Variants in SPECC1 observed in about 807,000 individuals in gnomAD.
SPECC1 encodes sperm antigen with calponin homology and coiled-coil domains 1, also known as cytospin-B.
A neutral mutation model predicts 104.1 loss-of-function variants in SPECC1; 62 were observed. That is an observed-to-expected ratio of 0.60 (90% CI 0.49 to 0.74). SPECC1 has a LOEUF of 0.74. Among genes scored for constraint, SPECC1 ranks in the 30% least tolerant of loss-of-function variants. The pLI is 0.00. For synonymous variants in SPECC1, 513 were observed against 501.6 expected (o/e 1.02, Z -0.30); for missense variants, 1,306 against 1,310.5 (o/e 1.00, Z 0.05).
In SPECC1 at chr17:20,019,562, A is replaced by G. The variant is rs969799192; in HGVS notation, c.-22+10138A>G. ...CCATTCAAAATTATTTTGAAAAGGC[A>G]AGGATCCTTTTGAACTTTATCTGCA... On this transcript the variant is annotated intron_variant, in intron 1 of 14. Transcript: ENST00000395527. Among the ~76,000 whole-genome samples, 5 of 152,254 alleles carry G rather than the reference A, an allele frequency of 3.3e-5. No individual in the cohort carries two copies. The South Asian group carries it at 8.3e-4, about 25-fold the overall frequency.
chr17:20,048,186 T>C (rs1411344357), intron 1 of SPECC1, among the ~76,000 whole-genome samples: 1 of 149,734 alleles, frequency 6.7e-6, no homozygotes, highest in African/African-American at 2.5e-5. Flanking sequence ...CAGGCTGGAG[T>C]GCAGTGGCGT....
chr17:20,023,305 C>T (rs1311476464), intron 1 of SPECC1, among the ~76,000 whole-genome samples: 1 of 152,182 alleles, frequency 6.6e-6, no homozygotes, highest in African/African-American at 2.4e-5. Context: ...TTAATTTTGT[C>T]TTCCTTCTCT....
At chr17:20,269,269 T>C (rs1306373974) in intron 12 of SPECC1, among the ~76,000 whole-genome samples, 1 of 152,184 alleles carries the variant, frequency 6.6e-6, no homozygotes, top group Non-Finnish European at 1.5e-5. Flanking sequence ...AGGGTTCCCA[T>C]TGTTTCCAGA....
intron 3 of SPECC1, among the ~76,000 whole-genome samples, chr17:20,202,857 C>A (rs2036523791): frequency 1.3e-5 from 2 of 152,074 alleles, no homozygotes; most frequent in Non-Finnish European, 2.9e-5. Flanking sequence ...TCTTGGCTTT[C>A]CAGAAACTTA....
intron 3 of SPECC1, among the ~76,000 whole-genome samples, chr17:20,157,530 G>A (rs1043217243): frequency 2.0e-5 from 3 of 152,140 alleles, no homozygotes; most frequent in Non-Finnish European, 4.4e-5. Flanking sequence ...GTTCGGTAAA[G>A]GATTGGTAAC....
In SPECC1 at chr17:20,204,871, C is replaced by G. The variant is rs9908032; in HGVS notation, c.822C>G (p.Ser274Arg). 0.13 allele frequency: 210,378 copies of G among 1,613,838 alleles called. 14,148 individuals carry two copies. Among genetic ancestry groups the G allele is most frequent in the Non-Finnish European group, 0.14 (163,883 of 1,179,944 alleles). Residue 274 changes from serine (S) to arginine (R), a missense_variant, in exon 4 of 15, where the codon AGC becomes AGG. By Grantham distance (110) the Ser-to-Arg change is moderately radical. Transcript: ENST00000395527. ...CAGCAAGTCACACTGGCGACAGCAG[C>G]TGCCCAACATCCATAACTCAAGAGT... ...EGAASHTGDS[S>R]CPTSITQESS...
intron 4 of SPECC1, among the ~76,000 whole-genome samples, chr17:20,208,373 A>T (rs528733479): frequency 6.6e-6 from 1 of 152,268 alleles, no homozygotes; most frequent in African/African-American, 2.4e-5. Context: ...GACTTGTAAC[A>T]TACTAATCTT....
intron 1 of SPECC1, among the ~76,000 whole-genome samples, chr17:20,043,916 T>A (rs1051775407): frequency 6.6e-6 from 1 of 152,176 alleles, no homozygotes. Flanking sequence ...GACAGTGATT[T>A]GTGTGCCTGT....
intron 1 of SPECC1, among the ~76,000 whole-genome samples, chr17:20,062,691 CA>C (rs1451496979): frequency 1.4e-5 from 2 of 141,134 alleles, no homozygotes; most frequent in African/African-American, 5.4e-5. Flanking sequence ...ACAAGAAATA[CA>C]TTTTTTTTTT....
intron 12 of SPECC1, among the ~76,000 whole-genome samples, chr17:20,262,931 G>A (rs1184388316): frequency 2.0e-5 from 3 of 151,994 alleles, no homozygotes; most frequent in East Asian, 3.9e-4. Flanking sequence ...GATTGTTTGC[G>A]CCCAGGAGTT....
chr17:20,090,779 A>G (rs1567835319), intron 1 of SPECC1, among the ~76,000 whole-genome samples: 1 of 152,192 alleles, frequency 6.6e-6, no homozygotes, highest in Admixed American at 6.5e-5. Context: ...GTCACAGACC[A>G]GTGATTGTGA....
intron 3 of SPECC1, among the ~76,000 whole-genome samples, chr17:20,199,617 C>T (rs2036281387): frequency 6.6e-6 from 1 of 151,824 alleles, no homozygotes; most frequent in African/African-American, 2.4e-5. Context: ...GTTGCCCAGG[C>T]TGTTCTTGAA....
chr17:20,281,951 G>T (rs961535366), intron 12 of SPECC1, among the ~76,000 whole-genome samples: 1 of 152,228 alleles, frequency 6.6e-6, no homozygotes, highest in African/African-American at 2.4e-5. Flanking sequence ...GAACTGGGAG[G>T]CCCCTGCTGA....
chr17:20,248,596 A>G (rs1201635375), intron 9 of SPECC1, among the ~76,000 whole-genome samples: 8 of 152,106 alleles, frequency 5.3e-5, no homozygotes, highest in Non-Finnish European at 1.5e-5. Context: ...GAACAATAAT[A>G]TCTTGTTTTA....
intron 5 of SPECC1, among the ~76,000 whole-genome samples, chr17:20,229,021 C>T (rs2038408365): frequency 1.3e-5 from 2 of 152,098 alleles, no homozygotes; most frequent in Non-Finnish European, 2.9e-5. Context: ...AACCCCAAAA[C>T]CAATACACAG....
At chr17:20,090,362 T>A (rs2047350657) in intron 1 of SPECC1, among the ~76,000 whole-genome samples, 1 of 152,154 alleles carries the variant, frequency 6.6e-6, no homozygotes, top group Non-Finnish European at 1.5e-5. Context: ...CTTCTCCCTT[T>A]CATTACAAGC....
intron 1 of SPECC1, among the ~76,000 whole-genome samples, chr17:20,020,319 C>T (rs932627068): frequency 5.9e-5 from 9 of 151,946 alleles, no homozygotes; most frequent in African/African-American, 2.2e-4. Context: ...CTAGTTTCCT[C>T]CCTTTCTCTG....
At position 20,315,426 on chromosome 17, in the gene SPECC1, C is replaced by A. The variant is rs922260643; in HGVS notation, c.*1361C>A. The stretch of plus-strand genomic sequence containing the variant: ...GCCCATCTGGTGGCTCTGCCGTGTT[C>A]TTCTGGGCGGATCTGTGTGCACTAC... On this transcript the variant is annotated 3_prime_UTR_variant, in exon 15 of 15. Coordinates refer to ENST00000395527, the MANE Select transcript of SPECC1 (RefSeq NM_001243439.2). 1.7e-5 allele frequency: 4 copies of A among 232,740 alleles called. No homozygotes were observed. The highest frequency in any genetic ancestry group is 2.5e-5 in the Non-Finnish European group (3 of 117,818). 14.4% of individuals were successfully genotyped at this position (232,740 alleles called of 1,614,324 possible). A position where few individuals can be genotyped will look rare whatever the true frequency, so the allele number is the denominator to read the frequency against.
intron 3 of SPECC1, among the ~76,000 whole-genome samples, chr17:20,183,249 A>G (rs2703800): frequency 0.43 from 64,606 of 152,008 alleles, 14,354 homozygotes; most frequent in East Asian, 0.8. Flanking sequence ...AATTACTCCT[A>G]TATGTCTACC....
Sources: gnomAD v4.1 joint callset for allele counts (sites outside exome capture counted in the v4.1 genomes callset) on GRCh38, gnomAD v4.1.1 for gene constraint, MANE v1.5 for transcripts, NCBI Gene and HGNC (gene_info 2026-07-23, HGNC 2026-07-21) for gene names.